The following PALLD variants were observed in gnomAD, a reference collection of about 807,000 sequenced individuals.
PALLD encodes palladin, cytoskeletal associated protein.
In PALLD, 61 loss-of-function variants were observed where a neutral mutation model predicts 123.5. The observed-to-expected ratio is 0.49, with a 90% CI of 0.40 to 0.61. The LOEUF is 0.61. PALLD is among the 20% of genes least tolerant of loss of function. The pLI is 0.00. For missense variants in PALLD, 1,273 were observed against 1,377.0 expected (o/e 0.92, Z 1.20); for synonymous variants, 465 against 496.4 (o/e 0.94, Z 0.84).
chr4:168,746,675 T>C (rs1352073853), intron 10 of PALLD, among the ~76,000 whole-genome samples: 2 of 152,172 alleles, frequency 1.3e-5, no homozygotes, highest in African/African-American at 4.8e-5. Flanking sequence ...GTGAAAGTTA[T>C]TATTTTTAAA....
rs1012809581 is a variant in PALLD at position 168,921,648 on chromosome 4, G to A, written c.2965G>A (p.Glu989Lys). 1 of 1,610,452 alleles carries A rather than the reference G, an allele frequency of 6.2e-7. No individual in the cohort carries two copies. Among genetic ancestry groups the A allele is most frequent in the East Asian group, 2.2e-5 (1 of 44,732 alleles). Residue 989 changes from glutamate (E) to lysine (K), a missense_variant, in exon 18 of 22, where the codon GAG (glutamate) becomes AAG (lysine). By Grantham distance (56) the Glu-to-Lys change is moderately conservative. Transcript: ENST00000505667. ...RENGVHSLIIEPVTSRDAGIY... is the reference protein window; with the variant it reads ...RENGVHSLIIKPVTSRDAGIY... ...GAACGGGGTGCACTCTCTGATCATA[G>A]AGCCAGTCACGTCACGTGATGCCGG...
intron 2 of PALLD, among the ~76,000 whole-genome samples, chr4:168,658,284 G>GTTTTTTTTTTTTTTTTTTTTTTTTTTT (rs755942969): frequency 8.3e-6 from 1 of 120,770 alleles, no homozygotes; most frequent in Non-Finnish European, 1.7e-5. Flanking sequence ...GTTTTTATTT[G>GTTTTTTTTTTTTTTTTTTTTTTTTTTT]GTTTTTTTTT....
rs1213615924 is a variant in PALLD at position 168,924,305 on chromosome 4, G to A, written c.3109G>A (p.Gly1037Arg). ...PVFIEKLQNT[G>R]VADGYPVRLE... The stretch of plus-strand genomic sequence containing the variant: ...GTTTATTGAGAAGCTCCAAAACACA[G>A]GAGTTGCTGATGGGTACCCAGTGCG... Residue 1037 changes from glycine to arginine, a missense_variant, in exon 19 of 22, where the codon GGA becomes AGA. By Grantham distance (125) the Gly-to-Arg change is moderately radical. This residue lies in a region of PALLD where 329 missense variants were observed against 422.5 expected (regional missense o/e 0.78). Coordinates refer to ENST00000505667, the MANE Select transcript of PALLD (RefSeq NM_001166108.2). The A allele has an allele frequency of 1.9e-6, 3 of 1,613,994 alleles. No homozygotes were observed. Among genetic ancestry groups the A allele is most frequent in the South Asian group, 1.1e-5 (1 of 91,082 alleles).
chr4:168,502,395 CTTTT>C (rs1456223416), intron 1 of PALLD, among the ~76,000 whole-genome samples: 4 of 151,930 alleles, frequency 2.6e-5, no homozygotes, highest in African/African-American at 7.3e-5. Flanking sequence ...TTTATAGATA[CTTTT>C]TTTTAACACA....
intron 10 of PALLD, among the ~76,000 whole-genome samples, chr4:168,825,177 T>C (rs905911378): frequency 6.6e-6 from 1 of 152,256 alleles, no homozygotes; most frequent in Non-Finnish European, 1.5e-5. Flanking sequence ...TTATGGTCTA[T>C]ATTCAGAGAA....
chr4:168,627,221 A>G (rs1447439587), intron 2 of PALLD, among the ~76,000 whole-genome samples: 1 of 152,198 alleles, frequency 6.6e-6, no homozygotes, highest in Non-Finnish European at 1.5e-5. Flanking sequence ...TAAAATATAA[A>G]TGAACAGGCC....
At chr4:168,749,364 T>C (rs1730727253) in intron 10 of PALLD, among the ~76,000 whole-genome samples, 1 of 151,230 alleles carries the variant, frequency 6.6e-6, no homozygotes. Flanking sequence ...CCTAACACAC[T>C]ACATAATGTA....
intron 10 of PALLD, among the ~76,000 whole-genome samples, chr4:168,817,932 T>G (rs1170849274): frequency 1.3e-5 from 2 of 152,198 alleles, no homozygotes; most frequent in African/African-American, 4.8e-5. Flanking sequence ...CAGCCCACAC[T>G]TGAATCAGAA....
intron 10 of PALLD, among the ~76,000 whole-genome samples, chr4:168,796,446 G>T (rs1365214428): frequency 2.0e-5 from 3 of 152,192 alleles, no homozygotes; most frequent in South Asian, 4.1e-4. Context: ...ATAGCTAACT[G>T]ATCTTGCTGT....
intron 10 of PALLD, among the ~76,000 whole-genome samples, chr4:168,715,906 C>A (rs141441692): frequency 6.6e-6 from 1 of 151,768 alleles, no homozygotes; most frequent in Non-Finnish European, 1.5e-5. Flanking sequence ...GCCGAGATAG[C>A]GCCACTGCCC....
At chr4:168,590,884 T>G (rs1218209856) in intron 2 of PALLD, among the ~76,000 whole-genome samples, 3 of 140,756 alleles carry the variant, frequency 2.1e-5, no homozygotes, top group Non-Finnish European at 4.6e-5. Context: ...TTTTTTTTTT[T>G]TTTTTTTTTT....
chr4:168,910,616 C>T (rs930789953), intron 15 of PALLD, among the ~76,000 whole-genome samples: 1 of 152,066 alleles, frequency 6.6e-6, no homozygotes, highest in African/African-American at 2.4e-5. Flanking sequence ...ACAATGCTGC[C>T]CGGTGCTTTA....
intron 12 of PALLD, 172 bp downstream of exon 12, chr4:168,894,849 CTATGT>C (rs1754776181): frequency 4.9e-6 from 5 of 1,019,776 alleles, no homozygotes; most frequent in Non-Finnish European, 4.3e-6. Flanking sequence ...TGAGCACATA[CTATGT>C]TAAGTGACTG....
chr4:168,690,843 A>G (rs1412317543), intron 7 of PALLD, 99 bp downstream of exon 7: 3 of 1,231,520 alleles, frequency 2.4e-6, no homozygotes, highest in East Asian at 2.3e-5. Flanking sequence ...ATTGATCTCT[A>G]TGTTCAAAGA....
chr4:168,614,772 T>G (rs1774059122), intron 2 of PALLD, among the ~76,000 whole-genome samples: 1 of 152,078 alleles, frequency 6.6e-6, no homozygotes, highest in African/African-American at 2.4e-5. Context: ...TGAAATGAAA[T>G]CAATCCTAAT....
intron 2 of PALLD, among the ~76,000 whole-genome samples, chr4:168,550,735 G>A (rs1363297465): frequency 2.6e-5 from 4 of 152,088 alleles, no homozygotes; most frequent in African/African-American, 9.7e-5. Flanking sequence ...TCACTTATAG[G>A]GGGTCAGTAT....
At chr4:168,591,230 T>G (rs937559833) in intron 2 of PALLD, among the ~76,000 whole-genome samples, 1 of 152,118 alleles carries the variant, frequency 6.6e-6, no homozygotes, top group Non-Finnish European at 1.5e-5. Context: ...TTAGCTTCTC[T>G]CCAAAAGATT....
chr4:168,627,143 GT>G (rs559289948), intron 2 of PALLD, among the ~76,000 whole-genome samples: 2 of 152,288 alleles, frequency 1.3e-5, no homozygotes, highest in South Asian at 4.1e-4. Context: ...GAAAGTGGTA[GT>G]GGGGCAACTG....
At chr4:168,607,765 G>GAA (rs11406885) in intron 2 of PALLD, among the ~76,000 whole-genome samples, 89 of 147,156 alleles carry the variant, frequency 6.0e-4, no homozygotes, top group African/African-American at 1.4e-3. Context: ...GTGTTTTCTG[G>GAA]AAAAAAAAAA....
Sources: gnomAD v4.1 joint callset for allele counts (sites outside exome capture counted in the v4.1 genomes callset) on GRCh38, gnomAD v4.1.1 for gene constraint, gnomAD v4.1.1 regional missense constraint, MANE v1.5 for transcripts, NCBI Gene and HGNC (gene_info 2026-07-23, HGNC 2026-07-21) for gene names.